The following FRMD4B variants were observed in gnomAD, a reference collection of about 807,000 sequenced individuals.
FRMD4B encodes FERM domain containing 4B.
Under a neutral mutation model 141.5 loss-of-function variants are expected in FRMD4B, and 74 were observed. The observed-to-expected ratio is 0.52, with a 90% CI of 0.43 to 0.63. FRMD4B has a LOEUF of 0.63. FRMD4B is among the 30% of genes least tolerant of loss of function. FRMD4B has a pLI of 0.00. For missense variants in FRMD4B, 1,366 were observed against 1,253.4 expected (o/e 1.09, Z -1.36); for synonymous variants, 506 against 467.9 (o/e 1.08, Z -1.05).
chr3:69,409,420 A>T (rs1448550462), intron 2 of FRMD4B, among the ~76,000 whole-genome samples: 5 of 152,216 alleles, frequency 3.3e-5, no homozygotes, highest in African/African-American at 4.8e-5. Context: ...ACCCAGTAGA[A>T]GGAGTATTAG....
chr3:69,191,251 C>T (rs2092833289), intron 17 of FRMD4B, among the ~76,000 whole-genome samples: 1 of 152,070 alleles, frequency 6.6e-6, no homozygotes, highest in Non-Finnish European at 1.5e-5. Flanking sequence ...GAAATCCTGT[C>T]TCTATGAAAA....
At chr3:69,425,363 C>T (rs908655948) in intron 2 of FRMD4B, among the ~76,000 whole-genome samples, 5 of 152,108 alleles carry the variant, frequency 3.3e-5, no homozygotes, top group Admixed American at 2.0e-4. Flanking sequence ...CATTAGTTCA[C>T]GAACACACTC....
intron 11 of FRMD4B, among the ~76,000 whole-genome samples, chr3:69,212,078 G>T (rs2093086569): frequency 6.6e-6 from 1 of 151,714 alleles, no homozygotes; most frequent in African/African-American, 2.4e-5. Context: ...GATAACATGG[G>T]CCGGGCATGG....
chr3:69,365,281 T>C (rs1399285696), intron 1 of FRMD4B, among the ~76,000 whole-genome samples: 3 of 152,222 alleles, frequency 2.0e-5, no homozygotes, highest in Non-Finnish European at 2.9e-5. Flanking sequence ...CAGTATGTGT[T>C]TCCCCCAATG....
At chr3:69,248,872 C>T (rs530342982) in intron 7 of FRMD4B, among the ~76,000 whole-genome samples, 1 of 152,348 alleles carries the variant, frequency 6.6e-6, no homozygotes, top group East Asian at 1.9e-4. Context: ...TTTGTGCATA[C>T]ATTATAACTC....
intron 1 of FRMD4B, 55 bp downstream of exon 1, chr3:69,385,773 C>T: frequency 7.0e-7 from 1 of 1,426,592 alleles, no homozygotes; most frequent in Non-Finnish European, 9.4e-7. Flanking sequence ...AGCCTGCTTC[C>T]CACGAGTGCC....
chr3:69,242,947 T>C (rs1368291919), intron 7 of FRMD4B, among the ~76,000 whole-genome samples: 1 of 143,230 alleles, frequency 7.0e-6, no homozygotes, highest in Non-Finnish European at 1.5e-5. Context: ...TGAGCCGAGA[T>C]CGCACTACTG....
chr3:69,341,752 C>G (rs1011998858), intron 1 of FRMD4B, among the ~76,000 whole-genome samples: 2 of 152,184 alleles, frequency 1.3e-5, no homozygotes, highest in Non-Finnish European at 2.9e-5. Flanking sequence ...GATTAAAGCC[C>G]TTATAAAATA....
intron 6 of FRMD4B, 115 bp from the exon 7 acceptor site, chr3:69,249,363 T>C (rs1295394639): frequency 1.5e-6 from 1 of 689,490 alleles, no homozygotes; most frequent in African/African-American, 1.8e-5. Flanking sequence ...TTGAAGAGTG[T>C]TTCTCAGGAA....
chr3:69,345,161 C>A (rs1349636023), intron 1 of FRMD4B, among the ~76,000 whole-genome samples: 1 of 152,234 alleles, frequency 6.6e-6, no homozygotes, highest in Non-Finnish European at 1.5e-5. Flanking sequence ...TTCCAATGGT[C>A]TTAGCAAATG....
intron 1 of FRMD4B, among the ~76,000 whole-genome samples, chr3:69,368,337 A>T (rs1264899043): frequency 6.6e-6 from 1 of 152,200 alleles, no homozygotes; most frequent in Non-Finnish European, 1.5e-5. Flanking sequence ...TGTGCAAATC[A>T]CACAAAGGAA....
Position 69,536,192 on chromosome 3 carries a change from G to A in FRMD4B, c.-129+6014C>T, listed in dbSNP as rs541396761. 50 of 567,456 alleles carry A rather than the reference G, an allele frequency of 8.8e-5. 2 individuals carry two copies. The Admixed American group carries it at 1.1e-3, about 12-fold the overall frequency. 35.2% of individuals were successfully genotyped at this position (567,456 alleles called of 1,614,324 possible). ...CTTCGCTGCCTTCTTCACCTTGCCC[G>A]CGTTAGGAGGATCCTCCTTGGCCTC... On this transcript the variant is annotated intron_variant, in intron 1 of 5. Transcript: ENST00000459638.
intron 2 of FRMD4B, among the ~76,000 whole-genome samples, chr3:69,415,405 T>C (rs1704840285): frequency 6.6e-6 from 1 of 152,064 alleles, no homozygotes; most frequent in African/African-American, 2.4e-5. Flanking sequence ...CCAAGAGTCT[T>C]CTATGTCTGT....
chr3:69,506,302 C>T (rs1379738817), intron 1 of FRMD4B, among the ~76,000 whole-genome samples: 1 of 151,984 alleles, frequency 6.6e-6, no homozygotes, highest in Non-Finnish European at 1.5e-5. Flanking sequence ...TCTTACATGT[C>T]AATTAGGGGA....
At chr3:69,334,226 T>C (rs1336155910) in intron 1 of FRMD4B, 1 of 152,160 alleles carries the variant, frequency 6.6e-6, no homozygotes, top group Non-Finnish European at 1.5e-5. Context: ...GAGCCCCAGT[T>C]TCTTCATTTG....
At chr3:69,208,977 C>G (rs919075430) in intron 11 of FRMD4B, among the ~76,000 whole-genome samples, 3 of 152,230 alleles carry the variant, frequency 2.0e-5, no homozygotes, top group African/African-American at 7.2e-5. Context: ...AACCCCATCT[C>G]TACTACAAAT....
chr3:69,483,837 T>C (rs1032860820), intron 1 of FRMD4B, among the ~76,000 whole-genome samples: 2 of 152,238 alleles, frequency 1.3e-5, no homozygotes, highest in Non-Finnish European at 2.9e-5. Context: ...ATTATTTTAT[T>C]TGAAAGAAAA....
chr3:69,419,100 T>C (rs1704925151), intron 2 of FRMD4B, among the ~76,000 whole-genome samples: 1 of 152,014 alleles, frequency 6.6e-6, no homozygotes, highest in Admixed American at 6.5e-5. Context: ...AGCCAGCAAA[T>C]GGATTTACAT....
At chr3:69,407,324 C>T (rs1452213971) in intron 2 of FRMD4B, among the ~76,000 whole-genome samples, 5 of 152,034 alleles carry the variant, frequency 3.3e-5, no homozygotes, top group African/African-American at 1.2e-4. Flanking sequence ...TTAGTAAAGG[C>T]GAGCGTTAGA....
Sources: allele counts gnomAD v4.1 joint callset (sites outside exome capture counted in the v4.1 genomes callset), GRCh38; gene constraint gnomAD v4.1.1; transcripts MANE v1.5; gene names NCBI Gene and HGNC (gene_info 2026-07-23, HGNC 2026-07-21).